Variants in CARM1 observed in about 807,000 individuals in gnomAD.
CARM1 encodes the protein coactivator associated arginine methyltransferase 1, also known as histone-arginine methyltransferase CARM1.
Under a neutral mutation model 72.7 loss-of-function variants are expected in CARM1, and 14 were observed. That is an observed-to-expected ratio of 0.19 (90% CI 0.13 to 0.30). CARM1 has a LOEUF of 0.30. Among genes scored for constraint, CARM1 ranks in the 10% least tolerant of loss-of-function variants. The pLI is 1.00. For synonymous variants in CARM1, 333 were observed against 345.5 expected (o/e 0.96, Z 0.40); for missense variants, 432 against 833.7 (o/e 0.52, Z 5.93).
At chr19:10,902,006 C>T (rs563729774) in intron 1 of CARM1, among the ~76,000 whole-genome samples, 97 of 151,594 alleles carry the variant, frequency 6.4e-4, no homozygotes, top group South Asian at 2.3e-3. Context: ...CACTTTGGGA[C>T]GCCGAGGCAG....
intron 2 of CARM1, 93 bp from the exon 3 acceptor site, chr19:10,907,946 G>T: frequency 1.3e-6 from 1 of 766,226 alleles, no homozygotes; most frequent in South Asian, 1.5e-5. Context: ...AGGGAGAAAC[G>T]TCAGGACATA....
At chr19:10,907,999 T>A in intron 2 of CARM1, 40 bp from the exon 3 acceptor site, 1 of 1,333,342 alleles carries the variant, frequency 7.5e-7, no homozygotes, top group Admixed American at 1.7e-5. Context: ...ACATGCTGGG[T>A]TGCTGACCGC....
rs565379570 is a variant in CARM1, at chr19:10,907,460, G to A, written c.347-579G>A. On this transcript the variant is annotated intron_variant, in intron 2 of 15. Coordinates refer to ENST00000327064, the MANE Select transcript of CARM1 (RefSeq NM_199141.2). ...CATGTTTTTGTTTTTGTTTTTTAAC[G>A]AGGCAGGGTCTTGTTATGTTGCTCA... Among the ~76,000 whole-genome samples, 9 of 151,838 alleles carry A rather than the reference G, an allele frequency of 5.9e-5. No homozygotes were observed. In the South Asian group the frequency reaches 8.3e-4, roughly 14 times the overall value.
At chr19:10,897,694 A>G (rs574553494) in intron 1 of CARM1, among the ~76,000 whole-genome samples, 1 of 152,252 alleles carries the variant, frequency 6.6e-6, no homozygotes, top group African/African-American at 2.4e-5. Flanking sequence ...GGGTAAAGAA[A>G]TGCTAGCTCT....
At chr19:10,913,524 AGT>A (rs2074170713) in intron 5 of CARM1, among the ~76,000 whole-genome samples, 1 of 151,520 alleles carries the variant, frequency 6.6e-6, no homozygotes, top group African/African-American at 2.4e-5. Flanking sequence ...TGGGCAACAG[AGT>A]GAGAATCTGT....
rs386474655 is a variant in CARM1, at chr19:10,915,398, G to A, written c.848-1009G>A. Among the ~76,000 whole-genome samples, 76 of 152,186 alleles carry A rather than the reference G, an allele frequency of 5.0e-4. No homozygotes were observed. Among genetic ancestry groups the A allele is most frequent in the Middle Eastern group, 6.8e-3 (2 of 294 alleles). On this transcript the variant is annotated intron_variant, in intron 6 of 15. Transcript: ENST00000327064. This position sits in a 1 kb window ranked among gnomAD's most constrained non-coding sequence, Gnocchi z 4.6. ...GTCCCAGCAGCCAGCTTGCAGGGAG[G>A]GGGGAGGCCAGGCCTGTGCAAGGAG...
rs1378554959 is a variant in CARM1 at position 10,919,687 on chromosome 19, G to A, written c.1106+7G>A. On this transcript the variant is annotated splice_region_variant and intron_variant, in intron 9 of 15. Transcript: ENST00000327064. Reference sequence around the variant, plus strand: ...AAGAAGGAGATTTGCACAGGTACTGGCACCCACACTCCATCCTCCCAGGCC... The same window carrying A: ...AAGAAGGAGATTTGCACAGGTACTGACACCCACACTCCATCCTCCCAGGCC... The A allele has an allele frequency of 4.4e-6, 7 of 1,608,530 alleles. No homozygotes were observed. The highest frequency in any genetic ancestry group is 6.0e-6 in the Non-Finnish European group (7 of 1,174,948).
rs756617843 is a variant in CARM1 at position 10,921,343 on chromosome 19, C to G, written c.1616-32C>G. ...GTGGCTGGGGGCGGTGACGCCGTCT[C>G]CCTTCCTTCTTTCCTCCCTCTCGCT... On this transcript the variant is annotated intron_variant, in intron 14 of 15. Transcript: ENST00000327064. 2.5e-6 allele frequency: 4 copies of G among 1,608,956 alleles called. No individual in the cohort carries two copies. The South Asian group carries it at 4.4e-5, about 18-fold the overall frequency.
At chr19:10,893,181 G>A (rs2145204598) in intron 1 of CARM1, among the ~76,000 whole-genome samples, 1 of 151,674 alleles carries the variant, frequency 6.6e-6, no homozygotes, top group Middle Eastern at 3.4e-3. Flanking sequence ...GGGATTACAG[G>A]CATGTACCAC....
At chr19:10,882,934 C>G (rs1486933331) in intron 1 of CARM1, among the ~76,000 whole-genome samples, 1 of 152,186 alleles carries the variant, frequency 6.6e-6, no homozygotes, top group East Asian at 1.9e-4. Flanking sequence ...AGAATGGCAG[C>G]TAAGGAGAGG....
At chr19:10,914,967 T>A (rs2145237523) in intron 6 of CARM1, among the ~76,000 whole-genome samples, 1 of 152,336 alleles carries the variant, frequency 6.6e-6, no homozygotes, top group South Asian at 2.1e-4. Context: ...TGAGCATTTC[T>A]GTACAGGCAA....
intron 1 of CARM1, among the ~76,000 whole-genome samples, chr19:10,883,889 G>A (rs1007017088): frequency 1.3e-5 from 2 of 151,532 alleles, no homozygotes; most frequent in Non-Finnish European, 2.9e-5. Context: ...GCGGTGGTGT[G>A]CGCCTGTAAT....
chr19:10,897,838 G>A (rs896388941), intron 1 of CARM1, among the ~76,000 whole-genome samples: 8 of 152,090 alleles, frequency 5.3e-5, no homozygotes, highest in Non-Finnish European at 7.4e-5. Flanking sequence ...GGATGCGGTG[G>A]CTCACTCCTG....
At chr19:10,893,845 A>T (rs776331343) in intron 1 of CARM1, among the ~76,000 whole-genome samples, 1 of 152,208 alleles carries the variant, frequency 6.6e-6, no homozygotes, top group Non-Finnish European at 1.5e-5. Flanking sequence ...GGTTGAACAG[A>T]TGAGGAAGCC....
At chr19:10,901,503 G>A (rs955844289) in intron 1 of CARM1, among the ~76,000 whole-genome samples, 1 of 151,166 alleles carries the variant, frequency 6.6e-6, no homozygotes, top group Non-Finnish European at 1.5e-5. Context: ...TTTTTTTGTA[G>A]CGATAGAGAT....
chr19:10,885,919 CAG>C (rs2073938263), intron 1 of CARM1, among the ~76,000 whole-genome samples: 1 of 134,568 alleles, frequency 7.4e-6, no homozygotes, highest in African/African-American at 2.7e-5. Context: ...TTTTTTGAGA[CAG>C]GGAGTGCAGC....
intron 1 of CARM1, among the ~76,000 whole-genome samples, chr19:10,878,663 C>T (rs1466204839): frequency 6.6e-6 from 1 of 152,182 alleles, no homozygotes; most frequent in Non-Finnish European, 1.5e-5. Flanking sequence ...TTTATCTGTT[C>T]ATCACAAAGA....
Position 10,908,258 on chromosome 19 carries a change from C to T in CARM1, c.453+113C>T, listed in dbSNP as rs541557122. On this transcript the variant is annotated intron_variant, in intron 3 of 15. Coordinates refer to ENST00000327064, the MANE Select transcript of CARM1 (RefSeq NM_199141.2). ...GCCCACCCAAGTTCCCGTCCTGGCT[C>T]TGTCCCTTACTGGCCATGTAGCCTT... 8.1e-5 allele frequency: 55 copies of T among 676,790 alleles called. No individual in the cohort carries two copies. In the South Asian group the frequency reaches 8.6e-4, roughly 11 times the overall value. The allele number at this position is 676,790 out of a possible 1,614,324, so 41.9% of individuals were successfully genotyped here.
chr19:10,921,724 C>T lies in CARM1; in HGVS notation c.1794C>T (p.Ser598=), dbSNP rs770237959. The change falls in exon 16 of 16, where the codon TCC becomes TCT. Residue 598 remains serine, a synonymous_variant. Coordinates refer to ENST00000327064, the MANE Select transcript of CARM1 (RefSeq NM_199141.2). Reference sequence around the variant, plus strand: ...CCATCTCCATGGCGTCGCCCATGTCCATCCCGACCAACACCATGCACTACG... The same window carrying T: ...CCATCTCCATGGCGTCGCCCATGTCTATCCCGACCAACACCATGCACTACG... The part of the protein sequence containing the change: ...GPAISMASPM[S]IPTNTMHYGS The T allele has an allele frequency of 6.2e-7, 1 of 1,612,826 alleles. No homozygotes were observed. The highest frequency in any genetic ancestry group is 1.7e-5 in the Admixed American group (1 of 59,882).
Sources: gnomAD v4.1 joint callset for allele counts (sites outside exome capture counted in the v4.1 genomes callset) on GRCh38, gnomAD v4.1.1 for gene constraint, Gnocchi (gnomAD v3.1) non-coding constraint, MANE v1.5 for transcripts, NCBI Gene and HGNC (gene_info 2026-07-23, HGNC 2026-07-21) for gene names.